Variants in SDK2 observed in about 807,000 individuals in gnomAD.
SDK2 encodes the protein protein sidekick-2.
Under a neutral mutation model 253.9 loss-of-function variants are expected in SDK2, and 105 were observed. That is an observed-to-expected ratio of 0.41 (90% CI 0.35 to 0.49). The LOEUF (loss-of-function observed/expected upper bound fraction) is 0.49. Among genes scored for constraint, SDK2 ranks in the 20% least tolerant of loss-of-function variants. The pLI, the probability that SDK2 is intolerant of heterozygous loss-of-function variation, is 0.06. For synonymous variants in SDK2, 1,249 were observed against 1,234.9 expected (o/e 1.01, Z -0.24); for missense variants, 2,608 against 3,003.0 (o/e 0.87, Z 3.07).
At chr17:73,526,197 G>T in intron 1 of SDK2, among the ~76,000 whole-genome samples, 1 of 152,190 alleles carries the variant, frequency 6.6e-6, no homozygotes, top group East Asian at 1.9e-4. Flanking sequence ...TGCAAGGAAC[G>T]GTGGCTTCTG....
rs4789623 is a variant in SDK2, at chr17:73,447,709, C to G, written c.519G>C (p.Thr173=). 1 of 1,551,696 alleles carries G rather than the reference C, an allele frequency of 6.4e-7. No homozygotes were observed. The highest frequency in any genetic ancestry group is 1.2e-5 in the South Asian group (1 of 84,058). The change falls in exon 5 of 45, where the codon ACG becomes ACC. Residue 173 remains threonine, a synonymous_variant. Transcript: ENST00000392650. This position sits in a 1 kb window ranked among gnomAD's most constrained non-coding sequence, Gnocchi z 4.0. The part of the protein sequence containing the change: ...TLENTLVILS[T]VAPDAGRYYV... ...AGTAGCGACCTGCGTCAGGGGCCAC[C>G]GTTGACAGGATGACAAGGGTGTTCT...
rs562611295 is a variant in SDK2 at position 73,385,864 on chromosome 17, C to T, written c.4552G>A (p.Val1518Met). 1.3e-4 allele frequency: 202 copies of T among 1,608,090 alleles called. 2 individuals carry two copies. In the East Asian group the frequency reaches 2.1e-3, roughly 17 times the overall value. Residue 1518 changes from valine to methionine, a missense_variant, in exon 32 of 45, where the codon GTG becomes ATG. Val to Met is a conservative substitution (Grantham distance 21). Coordinates refer to ENST00000392650, the MANE Select transcript of SDK2 (RefSeq NM_001144952.2). ...GGCCATACCTGCCATCGGATTAGCA[C>T]GGAGGTGGTGGTGTGGGGCGTCACG... is the stretch of plus-strand genomic sequence containing the variant. The part of the protein sequence containing the change: ...LSVTPHTTTS[V>M]LIRWQPPAED...
chr17:73,587,489 C>T (rs1227196855), intron 1 of SDK2, among the ~76,000 whole-genome samples: 2 of 152,256 alleles, frequency 1.3e-5, no homozygotes, highest in Non-Finnish European at 2.9e-5. Context: ...CCAGCAATTT[C>T]CCTTTGGCCG....
intron 22 of SDK2, among the ~76,000 whole-genome samples, chr17:73,398,791 AG>A (rs1228590683): frequency 6.6e-6 from 1 of 152,188 alleles, no homozygotes; most frequent in East Asian, 1.9e-4. Context: ...CCAGAGACCC[AG>A]GCTGCCCCTC....
rs1219426918 is a variant in SDK2, at chr17:73,443,434, G to A, written c.614-2511C>T. Among the ~76,000 whole-genome samples the A allele has an allele frequency of 6.6e-6, 1 of 152,228 alleles. No individual in the cohort carries two copies. The highest frequency in any genetic ancestry group is 2.4e-5 in the African/African-American group (1 of 41,450). On this transcript the variant is annotated intron_variant, in intron 5 of 44. Transcript: ENST00000392650. This position sits in a 1 kb window ranked among gnomAD's most constrained non-coding sequence, Gnocchi z 4.6. Reference sequence around the variant, plus strand: ...AGTTGTTTATTACATGCGGGGGCGCGCAGGTACCACGGCTCAGATTAATGG... The same window carrying A: ...AGTTGTTTATTACATGCGGGGGCGCACAGGTACCACGGCTCAGATTAATGG...
intron 2 of SDK2, among the ~76,000 whole-genome samples, chr17:73,478,039 C>T (rs894202623): frequency 6.6e-6 from 1 of 152,134 alleles, no homozygotes; most frequent in Non-Finnish European, 1.5e-5. Flanking sequence ...AAGTACACAG[C>T]AAAACGTCTC....
intron 1 of SDK2, among the ~76,000 whole-genome samples, chr17:73,604,875 A>T (rs1380264010): frequency 6.6e-6 from 1 of 152,114 alleles, no homozygotes; most frequent in East Asian, 1.9e-4. Context: ...AGTGATGGCA[A>T]CTAAAGCCAC....
chr17:73,398,969 T>A lies in SDK2; in HGVS notation c.3093+199A>T, dbSNP rs530769450. The stretch of plus-strand genomic sequence containing the variant: ...CGACCCAGGAGGGGACTGTAGTGTG[T>A]GTGTGTTTTTCCATGTACACAGGTG... On this transcript the variant is annotated intron_variant, in intron 22 of 44. Coordinates refer to ENST00000392650, the MANE Select transcript of SDK2 (RefSeq NM_001144952.2). Among the ~76,000 whole-genome samples, 13 of 152,312 alleles carry A rather than the reference T, an allele frequency of 8.5e-5. No homozygotes were observed. In the South Asian group the frequency reaches 2.3e-3, roughly 27 times the overall value.
chr17:73,509,920 A>AAAAAAAG (rs2063966958), intron 1 of SDK2, among the ~76,000 whole-genome samples: 6 of 146,652 alleles, frequency 4.1e-5, no homozygotes, highest in African/African-American at 1.3e-4. Context: ...AAAAAAAAAA[A>AAAAAAAG]AAGAAGGAAA....
rs1205069977 is a variant in SDK2, at chr17:73,618,340, A to C, written c.64+25685T>G. Among the ~76,000 whole-genome samples the C allele has an allele frequency of 6.6e-6, 1 of 152,020 alleles. No homozygotes were observed. Among genetic ancestry groups the C allele is most frequent in the African/African-American group, 2.4e-5 (1 of 41,378 alleles). On this transcript the variant is annotated intron_variant, in intron 1 of 44. Coordinates refer to ENST00000392650, the MANE Select transcript of SDK2 (RefSeq NM_001144952.2). This position sits in a 1 kb window ranked among gnomAD's most constrained non-coding sequence, Gnocchi z 4.1. ...TGCCAACTGGCCTCTCCCCATGGAG[A>C]GGGAGAGCTCGCTGTGCCTGTGGAT...
chr17:73,341,034 G>A (rs1032360815), intron 44 of SDK2, among the ~76,000 whole-genome samples: 1 of 131,748 alleles, frequency 7.6e-6, no homozygotes, highest in Non-Finnish European at 1.6e-5. Context: ...GTGAGCCACC[G>A]CGGCTGGTCT....
At chr17:73,509,907 A>AAAAAAAAAAAAAAAAAAAAAAAAAAAAC (rs2063966603) in intron 1 of SDK2, among the ~76,000 whole-genome samples, 1 of 142,152 alleles carries the variant, frequency 7.0e-6, no homozygotes, top group African/African-American at 2.6e-5. Flanking sequence ...CTCTACAAAA[A>AAAAAAAAAAAAAAAAAAAAAAAAAAAAC]AAAAAAAAAA....
rs538091862 is a variant in SDK2 at position 73,481,254 on chromosome 17, C to T, written c.225-9036G>A. Among the ~76,000 whole-genome samples, 4 of 152,252 alleles carry T rather than the reference C, an allele frequency of 2.6e-5. No homozygotes were observed. The East Asian group carries it at 7.7e-4, about 29-fold the overall frequency. ...CTGGGATAGGGAAGGATTCTGTGTC[C>T]CTCGGAGGAGGGGGGACTTGGGCAC... On this transcript the variant is annotated intron_variant, in intron 2 of 44. Transcript: ENST00000392650. This position sits in a 1 kb window ranked among gnomAD's most constrained non-coding sequence, Gnocchi z 4.5.
chr17:73,480,642 CAG>C (rs931852142), intron 2 of SDK2, among the ~76,000 whole-genome samples: 1 of 151,830 alleles, frequency 6.6e-6, no homozygotes, highest in East Asian at 1.9e-4. Flanking sequence ...GAGACAGAGA[CAG>C]AGAGAGACAG....
At chr17:73,341,974 C>T (rs772990913) in intron 44 of SDK2, among the ~76,000 whole-genome samples, 65 of 152,128 alleles carry the variant, frequency 4.3e-4, no homozygotes, top group Non-Finnish European at 6.5e-4. Flanking sequence ...GGAAGTGATC[C>T]GGCCGGGCTT....
intron 3 of SDK2, among the ~76,000 whole-genome samples, chr17:73,456,260 C>T (rs1305088823): frequency 6.6e-6 from 1 of 152,198 alleles, no homozygotes; most frequent in African/African-American, 2.4e-5. Flanking sequence ...ATTCATATCC[C>T]TATATCCTTC....
At chr17:73,474,610 C>T (rs573903802) in intron 2 of SDK2, among the ~76,000 whole-genome samples, 4 of 152,300 alleles carry the variant, frequency 2.6e-5, no homozygotes, top group East Asian at 3.9e-4. Context: ...AGTGTGATGG[C>T]GGGGAGACAG....
intron 2 of SDK2, among the ~76,000 whole-genome samples, chr17:73,483,695 ATATATATATATAT>A (rs1182160059): frequency 0.024 from 1,692 of 71,030 alleles, 105 homozygotes; most frequent in Admixed American, 0.034. Context: ...ATATATATAT[ATATATATATATAT>A]TTTTTTTTTT....
intron 2 of SDK2, among the ~76,000 whole-genome samples, chr17:73,499,624 C>T (rs992079159): frequency 2.0e-5 from 3 of 152,234 alleles, no homozygotes; most frequent in Non-Finnish European, 4.4e-5. Flanking sequence ...AATGGGAAAC[C>T]ATGTGTGCCT....
Sources: allele counts gnomAD v4.1 joint callset (sites outside exome capture counted in the v4.1 genomes callset), GRCh38; gene constraint gnomAD v4.1.1; non-coding constraint Gnocchi (gnomAD v3.1); transcripts MANE v1.5; gene names NCBI Gene and HGNC (gene_info 2026-07-23, HGNC 2026-07-21).